MUSK: variants seen among roughly 807,000 people sequenced by gnomAD.
MUSK encodes muscle, skeletal receptor tyrosine-protein kinase.
A neutral mutation model predicts 88.7 loss-of-function variants in MUSK; 55 were observed. That is an observed-to-expected ratio of 0.62 (90% confidence interval 0.50 to 0.78). The LOEUF is 0.78. Among genes scored for constraint, MUSK ranks in the 30% least tolerant of loss-of-function variants. The pLI, the probability that MUSK is intolerant of heterozygous loss-of-function variation, is 0.00. For synonymous variants in MUSK, 387 were observed against 391.9 expected (o/e 0.99, Z 0.15); for missense variants, 1,015 against 1,074.3 (o/e 0.94, Z 0.77).
intron 9 of MUSK, among the ~76,000 whole-genome samples, chr9:110,770,778 G>A (rs1041346408): frequency 6.6e-6 from 1 of 151,170 alleles, no homozygotes; most frequent in African/African-American, 2.4e-5. Flanking sequence ...ATGACTAGGT[G>A]TGTTTTATAG....
At chr9:110,730,600 A>G (rs1186526864) in intron 5 of MUSK, among the ~76,000 whole-genome samples, 1 of 152,056 alleles carries the variant, frequency 6.6e-6, no homozygotes, top group Admixed American at 6.6e-5. Context: ...ACTTGTGTCC[A>G]AGTTTGTTAT....
chr9:110,744,930 C>T (rs555644918), intron 6 of MUSK, among the ~76,000 whole-genome samples: 16 of 152,138 alleles, frequency 1.1e-4, no homozygotes, highest in South Asian at 2.1e-4. Context: ...ACCTGAGGTG[C>T]GAAAAAATAT....
At chr9:110,694,086 T>C (rs2076393845) in intron 3 of MUSK, among the ~76,000 whole-genome samples, 1 of 151,768 alleles carries the variant, frequency 6.6e-6, no homozygotes, top group African/African-American at 2.4e-5. Context: ...AGTGAATGCT[T>C]AGATTAAAAA....
At chr9:110,769,412 T>TA (rs1445286646) in intron 9 of MUSK, among the ~76,000 whole-genome samples, 2 of 151,968 alleles carry the variant, frequency 1.3e-5, no homozygotes, top group Non-Finnish European at 2.9e-5. Flanking sequence ...GCATGTTATC[T>TA]AAAAATCTCT....
chr9:110,779,285 C>A (rs977836555), intron 11 of MUSK, among the ~76,000 whole-genome samples: 39 of 152,228 alleles, frequency 2.6e-4, no homozygotes, highest in African/African-American at 9.4e-4. Flanking sequence ...GAATTTATTT[C>A]TCAATTCCTT....
intron 1 of MUSK, among the ~76,000 whole-genome samples, chr9:110,673,995 CT>C (rs1378878644): frequency 6.6e-6 from 1 of 152,044 alleles, no homozygotes; most frequent in Non-Finnish European, 1.5e-5. Flanking sequence ...TATTAGTAAT[CT>C]TCCAAACGTC....
At position 110,668,897 on chromosome 9, in the gene MUSK, G is replaced by T; in HGVS notation, c.-8G>T. ...AGGAACTTCGTCCTGCGTGAGCCTG[G>T]ATTAATCATGAGAGAGCTCGTCAAC... On this transcript the variant is annotated 5_prime_UTR_variant, in exon 1 of 15. Coordinates refer to ENST00000374448, the MANE Select transcript of MUSK (RefSeq NM_005592.4). 2.5e-6 allele frequency: 4 copies of T among 1,612,584 alleles called. No homozygotes were observed. The highest frequency in any genetic ancestry group is 2.5e-6 in the Non-Finnish European group (3 of 1,178,694).
intron 11 of MUSK, among the ~76,000 whole-genome samples, chr9:110,781,554 G>A (rs1445592031): frequency 6.6e-6 from 1 of 152,132 alleles, no homozygotes; most frequent in Non-Finnish European, 1.5e-5. Flanking sequence ...GGGATTACAG[G>A]CGTGAGCTAC....
At chr9:110,679,577 A>C (rs1290518691) in intron 1 of MUSK, among the ~76,000 whole-genome samples, 1 of 151,644 alleles carries the variant, frequency 6.6e-6, no homozygotes, top group African/African-American at 2.4e-5. Context: ...CTTCCATATT[A>C]TTTTATGTCT....
intron 5 of MUSK, among the ~76,000 whole-genome samples, chr9:110,722,317 G>A (rs1230972657): frequency 6.6e-6 from 1 of 152,056 alleles, no homozygotes; most frequent in Non-Finnish European, 1.5e-5. Context: ...ATCACTTAAG[G>A]TCAGGAGTTG....
intron 3 of MUSK, among the ~76,000 whole-genome samples, chr9:110,689,175 A>T (rs925970506): frequency 1.4e-5 from 1 of 72,928 alleles, no homozygotes. Context: ...TAAACTATAT[A>T]TTTATATAAA....
intron 1 of MUSK, among the ~76,000 whole-genome samples, chr9:110,669,288 C>T (rs1020419098): frequency 6.6e-6 from 1 of 152,066 alleles, no homozygotes; most frequent in Admixed American, 6.6e-5. Context: ...TTTGTTTATG[C>T]GAATGTCAAA....
At chr9:110,789,399 G>A (rs2077933560) in intron 14 of MUSK, among the ~76,000 whole-genome samples, 1 of 152,240 alleles carries the variant, frequency 6.6e-6, no homozygotes, top group Non-Finnish European at 1.5e-5. Context: ...CTGTGCAGAT[G>A]AGTGAATGGA....
chr9:110,770,505 TTATA>T (rs1025786185), intron 9 of MUSK, among the ~76,000 whole-genome samples: 2 of 146,994 alleles, frequency 1.4e-5, no homozygotes, highest in Admixed American at 6.9e-5. Flanking sequence ...AATAATATAA[TTATA>T]TATTATATAG....
intron 1 of MUSK, among the ~76,000 whole-genome samples, chr9:110,677,561 T>C (rs2076047724): frequency 1.3e-5 from 2 of 152,212 alleles, no homozygotes; most frequent in African/African-American, 2.4e-5. Context: ...CTTTTATAAA[T>C]GTTTGTGTTT....
chr9:110,694,405 A>C (rs1418876343), intron 3 of MUSK, among the ~76,000 whole-genome samples: 19 of 116,196 alleles, frequency 1.6e-4, no homozygotes, highest in African/African-American at 6.6e-4. Context: ...AAAAAAAAAA[A>C]ACAAAAAAAC....
Position 110,759,255 on chromosome 9 carries a change from T to G in MUSK, c.914-2947T>G, listed in dbSNP as rs544692740. On this transcript the variant is annotated intron_variant, in intron 7 of 14. Transcript: ENST00000374448. ...GAAAGAATCCCTATTTAATAAATGG[T>G]GCTGTGATAGCAGGCTAGCCATATG... 5.3e-5 allele frequency among the ~76,000 whole-genome samples: 8 copies of G among 152,306 alleles called. No individual in the cohort carries two copies. The South Asian group carries it at 1.7e-3, about 32-fold the overall frequency.
intron 7 of MUSK, among the ~76,000 whole-genome samples, chr9:110,752,338 T>C (rs2077258924): frequency 6.6e-6 from 1 of 152,222 alleles, no homozygotes; most frequent in Non-Finnish European, 1.5e-5. Context: ...AAAGGGATCC[T>C]TGGAGCCTCT....
intron 1 of MUSK, among the ~76,000 whole-genome samples, chr9:110,682,194 T>C (rs1042183299): frequency 1.3e-5 from 2 of 152,076 alleles, no homozygotes; most frequent in Non-Finnish European, 2.9e-5. Context: ...AGACCCTCAG[T>C]GGGCTTTAGC....
Sources: allele counts gnomAD v4.1 joint callset (sites outside exome capture counted in the v4.1 genomes callset), GRCh38; gene constraint gnomAD v4.1.1; transcripts MANE v1.5; gene names NCBI Gene and HGNC (gene_info 2026-07-23, HGNC 2026-07-21).